SMARCA1: variants seen among roughly 807,000 people sequenced by gnomAD.
The protein encoded by SMARCA1 is SWI/SNF-related matrix-associated actin-dependent regulator of chromatin subfamily A member 1.
Under a neutral mutation model 93.6 loss-of-function variants are expected in SMARCA1, and 17 were observed. The ratio of observed to expected loss-of-function variants is 0.18; its 90% CI spans 0.12 to 0.27. The LOEUF (loss-of-function observed/expected upper bound fraction) is 0.27. SMARCA1 is among the 10% of genes least tolerant of loss of function. The probability of loss-of-function intolerance (pLI) is 1.00; values close to 1 mark genes in which losing one functional copy is unlikely to be tolerated. For synonymous variants in SMARCA1, 271 were observed against 271.4 expected (o/e 1.00, Z 0.01); for missense variants, 630 against 819.0 (o/e 0.77, Z 2.82).
chrX:129,521,150 T>G (rs1048738888), intron 1 of SMARCA1, among the ~76,000 whole-genome samples: 14 of 111,436 alleles, frequency 1.3e-4, no homozygotes, highest in African/African-American at 6.5e-5. Flanking sequence ...CCTCCCAAAG[T>G]GCTAGGATTA....
rs1933637765 is a variant in SMARCA1, at chrX:129,481,141, T to G, written c.2262A>C (p.Lys754Asn). The G allele has an allele frequency of 3.3e-6, 4 of 1,205,989 alleles. No homozygotes were observed. The highest frequency in any genetic ancestry group is 1.7e-5 in the African/African-American group (1 of 57,151). The change falls in exon 18 of 25, where the codon AAA becomes AAC. Residue 754 changes from lysine to asparagine, a missense_variant. This residue lies in a region of SMARCA1 where 382 missense variants were observed against 537.9 expected (regional missense o/e 0.71). Coordinates refer to ENST00000371121, the MANE Select transcript of SMARCA1 (RefSeq NM_001282874.2). ...EWIEPPKRER[K>N]ANYAVDAYFR... ...AGTAGGCATCCACTGCGTAGTTTGC[T>G]TTGCGTTCTCGTTTAGGAGGTTCAA...
chrX:129,518,311 C>A, intron 2 of SMARCA1, 50 bp downstream of exon 2: 1 of 703,247 alleles, frequency 1.4e-6, no homozygotes, highest in East Asian at 3.5e-5. Context: ...AACATCTCAA[C>A]TATAAAAATT....
intron 19 of SMARCA1, among the ~76,000 whole-genome samples, chrX:129,475,002 C>T (rs1268689367): frequency 2.7e-5 from 3 of 110,623 alleles, no homozygotes; most frequent in East Asian, 2.8e-4. Flanking sequence ...GTGAGGCCCC[C>T]GAGTCATGTG....
intron 9 of SMARCA1, among the ~76,000 whole-genome samples, chrX:129,502,509 C>A (rs746385140): frequency 4.9e-4 from 55 of 111,739 alleles, no homozygotes; most frequent in Non-Finnish European, 4.9e-4. Context: ...CTGAATTCAG[C>A]AACTGGAAAG....
chrX:129,495,743 G>C (rs2124289827), intron 12 of SMARCA1, among the ~76,000 whole-genome samples: 1 of 107,527 alleles, frequency 9.3e-6, no homozygotes, highest in South Asian at 4.2e-4. Context: ...ACATTGTTTT[G>C]ATTGACGTCG....
intron 19 of SMARCA1, among the ~76,000 whole-genome samples, chrX:129,473,527 A>T (rs1015111698): frequency 8.9e-6 from 1 of 112,028 alleles, no homozygotes; most frequent in Non-Finnish European, 1.9e-5. Flanking sequence ...AGCTTTACTC[A>T]TCATAGCCAA....
intron 9 of SMARCA1, among the ~76,000 whole-genome samples, chrX:129,502,739 C>T (rs1770205381): frequency 1.8e-5 from 2 of 111,143 alleles, no homozygotes; most frequent in African/African-American, 6.6e-5. Flanking sequence ...TGGATGGGTA[C>T]GTGTTTGGAT....
At chrX:129,455,311 T>C (rs1028487259) in intron 23 of SMARCA1, among the ~76,000 whole-genome samples, 2 of 110,573 alleles carry the variant, frequency 1.8e-5, no homozygotes, top group Non-Finnish European at 3.8e-5. Flanking sequence ...TGCAGGGACA[T>C]AGATGAAGCT....
chrX:129,466,451 T>C (rs1442115254), intron 21 of SMARCA1, among the ~76,000 whole-genome samples: 1 of 111,262 alleles, frequency 9.0e-6, no homozygotes, highest in Non-Finnish European at 1.9e-5. Context: ...GGTTGGGAGT[T>C]TGAGACCAGC....
At chrX:129,503,370 T>C (rs1003574417) in intron 9 of SMARCA1, among the ~76,000 whole-genome samples, 1 of 112,095 alleles carries the variant, frequency 8.9e-6, no homozygotes, top group Non-Finnish European at 1.9e-5. Context: ...GAAGCAAAAT[T>C]GAAGCCCAGA....
intron 23 of SMARCA1, 112 bp downstream of exon 23, chrX:129,465,408 A>G (rs1240183540): frequency 1.8e-5 from 9 of 494,608 alleles, no homozygotes; most frequent in Non-Finnish European, 3.2e-5. Context: ...AGAGAAAGAG[A>G]GAGCGCCAAT....
In SMARCA1 at chrX:129,499,816, C is replaced by T. The variant is rs1438784875; in HGVS notation, c.1193G>A (p.Arg398His). 9.6e-6 allele frequency: 11 copies of T among 1,151,271 alleles called. No homozygotes were observed. The highest frequency in any genetic ancestry group is 1.9e-5 in the South Asian group (1 of 53,684). The allele number at this position is 1,151,271 out of a possible 1,213,427, so 94.9% of individuals were successfully genotyped here. ...HAVLKPFLLR[R>H]IKTDVEKSLP... ...ACTCTTCTCTACATCAGTTTTTATACGGCGTAACAAAAATGGTTTTAAAAC... is the reference window on the plus strand; with the variant it reads ...ACTCTTCTCTACATCAGTTTTTATATGGCGTAACAAAAATGGTTTTAAAAC... The change falls in exon 10 of 25, where the codon CGT becomes CAT. Residue 398 changes from arginine (R) to histidine (H), a missense_variant. This residue lies in a region of SMARCA1 where 382 missense variants were observed against 537.9 expected (regional missense o/e 0.71). Coordinates refer to ENST00000371121, the MANE Select transcript of SMARCA1 (RefSeq NM_001282874.2).
chrX:129,468,696 C>G, intron 21 of SMARCA1, 77 bp downstream of exon 21: 1 of 721,622 alleles, frequency 1.4e-6, no homozygotes, highest in Non-Finnish European at 2.0e-6. Context: ...CATCTCTGAA[C>G]AAAGGTACAA....
chrX:129,502,495 T>C (rs112159916), intron 9 of SMARCA1, among the ~76,000 whole-genome samples: 2,197 of 111,620 alleles, frequency 0.02, 22 homozygotes, highest in African/African-American at 0.041. Context: ...CCAAAAAGCG[T>C]ACCCTGAATT....
At chrX:129,451,067 A>C (rs1408705733) in intron 23 of SMARCA1, among the ~76,000 whole-genome samples, 1 of 111,841 alleles carries the variant, frequency 8.9e-6, no homozygotes, top group Non-Finnish European at 1.9e-5. Context: ...TATTAAAAAT[A>C]CTCTAATGTA....
At chrX:129,500,487 G>A (rs1416733985) in intron 9 of SMARCA1, among the ~76,000 whole-genome samples, 1 of 112,534 alleles carries the variant, frequency 8.9e-6, no homozygotes, top group African/African-American at 3.2e-5. Flanking sequence ...TTTTAAACCT[G>A]AGAGGAAATC....
In SMARCA1 at chrX:129,480,728, A is replaced by C; in HGVS notation, c.2415T>G (p.Leu805=). 1 of 1,120,449 alleles carries C rather than the reference A, an allele frequency of 8.9e-7. No individual in the cohort carries two copies. The highest frequency in any genetic ancestry group is 1.2e-6 in the Non-Finnish European group (1 of 851,569). The allele number at this position is 1,120,449 out of a possible 1,213,427, so 92.3% of individuals were successfully genotyped here. Residue 805 remains leucine, a synonymous_variant, in exon 19 of 25, where the codon CTT becomes CTG. Transcript: ENST00000371121. ...RLFELLEKEI[L]YYRKTIGYKV... is the part of the protein sequence containing the mutation. The stretch of plus-strand genomic sequence containing the variant: ...TATAGCCTATTGTCTTCCGATAATA[A>C]AGAATTTCCTTTTCCAGGAGCTCAA...
rs191178805 is a variant in SMARCA1, at chrX:129,507,646, C to T, written c.966+295G>A. On this transcript the variant is annotated intron_variant, in intron 7 of 24. Coordinates refer to ENST00000371121, the MANE Select transcript of SMARCA1 (RefSeq NM_001282874.2). ...TCGGCTCACTGCAACCTCCGCCTCC[C>T]GGGTTCAAGCTATTCTCCTGCCTCA... Among the ~76,000 whole-genome samples the T allele has an allele frequency of 1.2e-4, 13 of 112,263 alleles. No individual in the cohort carries two copies. In the East Asian group the frequency reaches 1.4e-3, roughly 12 times the overall value.
At chrX:129,474,479 T>G (rs1933282538) in intron 19 of SMARCA1, among the ~76,000 whole-genome samples, 1 of 111,704 alleles carries the variant, frequency 9.0e-6, no homozygotes, top group Non-Finnish European at 1.9e-5. Context: ...TTTATTCCCA[T>G]GCAGACATCC....
Sources: allele counts gnomAD v4.1 joint callset (sites outside exome capture counted in the v4.1 genomes callset), GRCh38; gene constraint gnomAD v4.1.1; regional missense constraint gnomAD v4.1.1; transcripts MANE v1.5; gene names NCBI Gene and HGNC (gene_info 2026-07-23, HGNC 2026-07-21).